The following TEX22 variants were observed in gnomAD, a reference collection of about 807,000 sequenced individuals.
The protein encoded by TEX22 is testis-expressed protein 22.
A neutral mutation model predicts 11.3 loss-of-function variants in TEX22; 16 were observed. The ratio of observed to expected loss-of-function variants is 1.42; its 90% CI spans 0.96 to 2.15. The LOEUF (loss-of-function observed/expected upper bound fraction) is 2.15, where lower values mean the gene tolerates loss of function less well. Ranked by LOEUF, TEX22 falls within the 30% of genes most tolerant of loss-of-function variation. The pLI is 0.00. For missense variants in TEX22, 220 were observed against 208.6 expected, an observed-to-expected ratio of 1.05 and a Z score of -0.34; for synonymous variants, 97 against 92.3, an observed-to-expected ratio of 1.05 and a Z score of -0.29.
intron 2 of TEX22, among the ~76,000 whole-genome samples, chr14:105,402,567 A>G (rs958708944): frequency 3.3e-5 from 5 of 151,856 alleles, no homozygotes; most frequent in South Asian, 2.1e-4. Flanking sequence ...ATCCTGGCTA[A>G]CACGGTGAAA....
chr14:105,401,742 A>T (rs1166455136), intron 2 of TEX22, among the ~76,000 whole-genome samples: 1 of 152,004 alleles, frequency 6.6e-6, no homozygotes, highest in Admixed American at 6.5e-5. Flanking sequence ...ATTTAAAAAA[A>T]ACCGAAGTAT....
rs1421051514 is a variant in TEX22 at position 105,412,510 on chromosome 14, C to A, written c.*677C>A. 1 of 152,478 alleles carries A rather than the reference C, an allele frequency of 6.6e-6. No homozygotes were observed. Among genetic ancestry groups the A allele is most frequent in the East Asian group, 1.9e-4 (1 of 5,208 alleles). 9.4% of individuals were successfully genotyped at this position (152,478 alleles called of 1,614,324 possible). A position where few individuals can be genotyped will look rare whatever the true frequency, so the allele number is the denominator to read the frequency against. On this transcript the variant is annotated 3_prime_UTR_variant, in exon 4 of 4. Coordinates refer to ENST00000451127, the MANE Select transcript of TEX22 (RefSeq NM_001195082.2). The surrounding 1 kb of genome is among the most constrained non-coding windows in gnomAD (Gnocchi z 5.8). ...AGGGGGTCTGAGCAACTGTGAGGAG[C>A]TGGCTGCCGCAGGGGCCTGTGGGAC...
intron 2 of TEX22, among the ~76,000 whole-genome samples, chr14:105,400,165 C>T (rs1440891919): frequency 6.6e-6 from 1 of 152,192 alleles, no homozygotes; most frequent in Non-Finnish European, 1.5e-5. Flanking sequence ...GGTGCAGGGG[C>T]TCCTGGGCAC....
In TEX22 at chr14:105,411,387, G is replaced by C; in HGVS notation, c.170G>C (p.Arg57Pro). 1 of 1,323,760 alleles carries C rather than the reference G, an allele frequency of 7.6e-7. No homozygotes were observed. The highest frequency in any genetic ancestry group is 3.4e-5 in the Admixed American group (1 of 29,240). The allele number at this position is 1,323,760 out of a possible 1,614,324, so 82.0% of individuals were successfully genotyped here. A position where few individuals can be genotyped will look rare whatever the true frequency, so the allele number is the denominator to read the frequency against. The change falls in exon 3 of 4, where the codon CGC (arginine) becomes CCC (proline). Residue 57 changes from arginine to proline, a missense_variant. Coordinates refer to ENST00000451127, the MANE Select transcript of TEX22 (RefSeq NM_001195082.2). ...CCCCAGGTGTGCGAGCCGCCGGAAC[G>C]CAGGCGCCCGGGCCGCCGCTGGAGC... ...TQDWVCEPPERRRPGRRWSVS... is the reference protein window; with the variant it reads ...TQDWVCEPPEPRRPGRRWSVS...
Position 105,411,741 on chromosome 14 carries a change from G to C in TEX22, c.361G>C (p.Glu121Gln), listed in dbSNP as rs995783692. ...CCTTCCCCACCCGCTGAGGTCCACC[G>C]AGTCCACCAACGCCTTCCAGGCCTT... ...VLLPHPLRST[E>Q]STNAFQAFLA... The change falls in exon 4 of 4, where the codon GAG becomes CAG. Residue 121 changes from glutamate (E) to glutamine (Q), a missense_variant. Transcript: ENST00000451127. 1 of 1,519,666 alleles carries C rather than the reference G, an allele frequency of 6.6e-7. No homozygotes were observed. The allele number at this position is 1,519,666 out of a possible 1,614,324, so 94.1% of individuals were successfully genotyped here.
Position 105,399,495 on chromosome 14 carries a change from G to A in TEX22, c.150+5G>A, listed in dbSNP as rs1555418144. On this transcript the variant is annotated splice_donor_5th_base_variant and intron_variant, in intron 2 of 3. Coordinates refer to ENST00000451127, the MANE Select transcript of TEX22 (RefSeq NM_001195082.2). The stretch of plus-strand genomic sequence containing the variant: ...GGACTGCAGACTCAGGACTGGGTAA[G>A]CGGAAGGAAACCCTGGCCGAGGCTA... 1 of 1,526,032 alleles carries A rather than the reference G, an allele frequency of 6.6e-7. No individual in the cohort carries two copies. Among genetic ancestry groups the A allele is most frequent in the Admixed American group, 2.0e-5 (1 of 49,588 alleles). The allele number at this position is 1,526,032 out of a possible 1,614,324, so 94.5% of individuals were successfully genotyped here.
Position 105,411,887 on chromosome 14 carries a change from G to C in TEX22, c.*54G>C, listed in dbSNP as rs72711585. 59,652 of 1,377,494 alleles carry C rather than the reference G, an allele frequency of 0.043. 1,497 individuals are homozygous for C. The highest frequency in any genetic ancestry group is 0.05 in the Non-Finnish European group (52,994 of 1,062,092). 85.3% of individuals were successfully genotyped at this position (1,377,494 alleles called of 1,614,324 possible). ...CCAGTGCCTTTCCTTGGGGGCCCAC[G>C]GTGGGGGCAGCCTCTGCGCCTTCTT... On this transcript the variant is annotated 3_prime_UTR_variant, in exon 4 of 4. Transcript: ENST00000451127.
Position 105,402,708 on chromosome 14 carries a change from AT to A in TEX22, c.150+3220del, listed in dbSNP as rs2081637959. ...GAGGCGGAGCTTGCAGTGAGACGAGATTGCGCTACTGCACTCCAGCCTGGGC... is the reference window on the plus strand; with the variant it reads ...GAGGCGGAGCTTGCAGTGAGACGAGATGCGCTACTGCACTCCAGCCTGGGC... On this transcript the variant is annotated intron_variant, in intron 2 of 3. Coordinates refer to ENST00000451127, the MANE Select transcript of TEX22 (RefSeq NM_001195082.2). 1.4e-5 allele frequency among the ~76,000 whole-genome samples: 2 copies of A among 146,402 alleles called. 1 individual carries two copies. The highest frequency in any genetic ancestry group is 4.4e-4 in the South Asian group (2 of 4,502).
At chr14:105,411,291 G>C in intron 2 of TEX22, 77 bp from the exon 3 acceptor site, 1 of 1,228,392 alleles carries the variant, frequency 8.1e-7, no homozygotes, top group Non-Finnish European at 1.0e-6. Context: ...AGCTCTGAGG[G>C]TCGGCGGGTG....
In TEX22 at chr14:105,411,942, C is replaced by A; in HGVS notation, c.*109C>A. On this transcript the variant is annotated 3_prime_UTR_variant, in exon 4 of 4. Transcript: ENST00000451127. ...CCCCACCAGGGGGTCACCACCCACC[C>A]ATGTTAGGAAAACAGGCCAGGCAGG... 8.6e-7 allele frequency: 1 copy of A among 1,158,272 alleles called. No homozygotes were observed. The highest frequency in any genetic ancestry group is 1.2e-6 in the Non-Finnish European group (1 of 868,104). The allele number at this position is 1,158,272 out of a possible 1,614,324, so 71.7% of individuals were successfully genotyped here.
chr14:105,399,884 GAGA>G (rs1441058918), intron 2 of TEX22, among the ~76,000 whole-genome samples: 1 of 152,230 alleles, frequency 6.6e-6, no homozygotes, highest in East Asian at 1.9e-4. Flanking sequence ...CAGCTGTCAG[GAGA>G]AGGATTTGTC....
At chr14:105,411,529 C>CCCGCCCCGCCCCGCCCCT in intron 3 of TEX22, 33 bp downstream of exon 3, 1 of 288,784 alleles carries the variant, frequency 3.5e-6, no homozygotes, top group Non-Finnish European at 5.0e-6. Flanking sequence ...CCGCCCCGTC[C>CCCGCCCCGCCCCGCCCCT]CCGCCCCGCC....
At chr14:105,406,672 G>A (rs2081660250) in intron 2 of TEX22, among the ~76,000 whole-genome samples, 1 of 147,344 alleles carries the variant, frequency 6.8e-6, no homozygotes, top group Non-Finnish European at 1.5e-5. Flanking sequence ...CGTACTTGCA[G>A]TTCCTAAAAA....
intron 2 of TEX22, among the ~76,000 whole-genome samples, chr14:105,404,669 A>G (rs2081649908): frequency 6.6e-6 from 1 of 152,238 alleles, no homozygotes; most frequent in African/African-American, 2.4e-5. Context: ...GCCTGTGCTC[A>G]GGGGAAGCCA....
At chr14:105,408,182 G>T (rs2081668477) in intron 2 of TEX22, among the ~76,000 whole-genome samples, 1 of 151,852 alleles carries the variant, frequency 6.6e-6, no homozygotes, top group East Asian at 1.9e-4. Flanking sequence ...ACGTCCCACC[G>T]CATGCTGAGG....
At chr14:105,399,238 G>A (rs994457612) in intron 1 of TEX22, 64 bp from the exon 2 acceptor site, 38 of 965,002 alleles carry the variant, frequency 3.9e-5, no homozygotes, top group Non-Finnish European at 5.6e-5. Context: ...AGGGACTCAG[G>A]TATTGGTGGG....
In TEX22 at chr14:105,411,436, G is replaced by A. The variant is rs2081690112; in HGVS notation, c.219G>A (p.Arg73=). ...GCGTCAGCATCGACGAGCGCCGGCGGCTGGCCACGCTGGGCGGCCGGGAGA... is the reference window on the plus strand; with the variant it reads ...GCGTCAGCATCGACGAGCGCCGGCGACTGGCCACGCTGGGCGGCCGGGAGA... ...RWSVSIDERR[R]LATLGGRERP... Residue 73 remains arginine (R), a synonymous_variant, in exon 3 of 4, where the codon CGG becomes CGA. Coordinates refer to ENST00000451127, the MANE Select transcript of TEX22 (RefSeq NM_001195082.2). 2 of 1,240,954 alleles carry A rather than the reference G, an allele frequency of 1.6e-6. No homozygotes were observed. The highest frequency in any genetic ancestry group is 7.1e-5 in the South Asian group (2 of 28,352). The allele number at this position is 1,240,954 out of a possible 1,614,324, so 76.9% of individuals were successfully genotyped here.
chr14:105,405,543 C>T (rs1276989842), intron 2 of TEX22, among the ~76,000 whole-genome samples: 4 of 152,128 alleles, frequency 2.6e-5, no homozygotes, highest in Non-Finnish European at 5.9e-5. Flanking sequence ...ATATTCCAAC[C>T]GCAGGGTGAA....
intron 2 of TEX22, among the ~76,000 whole-genome samples, chr14:105,405,835 T>C (rs761817319): frequency 1.3e-5 from 2 of 152,244 alleles, no homozygotes; most frequent in Admixed American, 1.3e-4. Flanking sequence ...AAATGTTTAC[T>C]TGGAAAAGGA....
Sources: gnomAD v4.1 joint callset for allele counts (sites outside exome capture counted in the v4.1 genomes callset) on GRCh38, gnomAD v4.1.1 for gene constraint, Gnocchi (gnomAD v3.1) non-coding constraint, MANE v1.5 for transcripts, NCBI Gene and HGNC (gene_info 2026-07-23, HGNC 2026-07-21) for gene names.